The following PDE4D variants were observed in gnomAD, a reference collection of about 807,000 sequenced individuals.
The protein encoded by PDE4D is phosphodiesterase 4D.
Under a neutral mutation model 87.4 loss-of-function variants are expected in PDE4D, and 24 were observed. That is an observed-to-expected ratio of 0.27 (90% CI 0.20 to 0.39). The LOEUF (loss-of-function observed/expected upper bound fraction) is 0.39. Ranked by LOEUF, PDE4D falls within the 10% of genes least tolerant of loss-of-function variation. PDE4D has a pLI of 1.00. For missense variants in PDE4D, 714 were observed against 1,041.0 expected, an observed-to-expected ratio of 0.69 and a Z score of 4.32; for synonymous variants, 384 against 383.2, an observed-to-expected ratio of 1.00 and a Z score of -0.02.
intron 1 of PDE4D, among the ~76,000 whole-genome samples, chr5:59,217,487 TAAAC>T (rs1751518950): frequency 6.6e-6 from 1 of 152,158 alleles, no homozygotes; most frequent in Non-Finnish European, 1.5e-5. Flanking sequence ...ATCCATCAAA[TAAAC>T]AGAAGAGGGA....
At chr5:60,251,045 G>A (rs1438550676) in intron 1 of PDE4D, among the ~76,000 whole-genome samples, 1 of 151,798 alleles carries the variant, frequency 6.6e-6, no homozygotes, top group Non-Finnish European at 1.5e-5. Context: ...GAGATAACTA[G>A]ACATTTTTTA....
At chr5:59,195,587 T>G (rs1485379112) in intron 2 of PDE4D, among the ~76,000 whole-genome samples, 1 of 152,224 alleles carries the variant, frequency 6.6e-6, no homozygotes, top group Non-Finnish European at 1.5e-5. Flanking sequence ...TTTTACTCTC[T>G]GATGGAAGTT....
At chr5:59,871,703 T>A (rs1315887076) in intron 1 of PDE4D, among the ~76,000 whole-genome samples, 1 of 152,110 alleles carries the variant, frequency 6.6e-6, no homozygotes, top group Non-Finnish European at 1.5e-5. Flanking sequence ...AAATTTGCCA[T>A]CAAGGGAGAA....
intron 6 of PDE4D, among the ~76,000 whole-genome samples, chr5:59,035,670 G>C (rs1758378055): frequency 6.6e-6 from 1 of 152,072 alleles, no homozygotes. Flanking sequence ...GTATGCTAAG[G>C]AAACTGAAGC....
At chr5:60,127,452 C>T in intron 2 of PDE4D, 1 of 412,314 alleles carries the variant, frequency 2.4e-6, no homozygotes, top group Non-Finnish European at 4.3e-6. Flanking sequence ...ATCAAGGCAG[C>T]TATCACTGTG....
intron 1 of PDE4D, among the ~76,000 whole-genome samples, chr5:59,477,963 C>T (rs1290594146): frequency 6.6e-6 from 1 of 152,014 alleles, no homozygotes; most frequent in Non-Finnish European, 1.5e-5. Flanking sequence ...ATACCACACG[C>T]TCTCACTTGT....
intron 2 of PDE4D, among the ~76,000 whole-genome samples, chr5:60,000,828 C>T (rs1245647405): frequency 6.6e-6 from 1 of 152,090 alleles, no homozygotes; most frequent in Admixed American, 6.6e-5. Flanking sequence ...GAGCTGTCTG[C>T]TAACTATGAT....
chr5:60,236,789 C>A (rs1190854352), intron 1 of PDE4D, among the ~76,000 whole-genome samples: 1 of 151,852 alleles, frequency 6.6e-6, no homozygotes, highest in Non-Finnish European at 1.5e-5. Flanking sequence ...GAGCCATGAG[C>A]CGAGGAATAT....
Position 59,893,148 on chromosome 5 carries a change from A to C in PDE4D, c.455+20T>G. ...AGGTGACCCTTTGCCTGAATGGGGG[A>C]GGGGGCGCTCTCCACTCACCGCCTG... On this transcript the variant is annotated intron_variant, in intron 1 of 14. Transcript: ENST00000340635. 6.5e-7 allele frequency: 1 copy of C among 1,545,390 alleles called. No individual in the cohort carries two copies. The highest frequency in any genetic ancestry group is 8.7e-7 in the Non-Finnish European group (1 of 1,144,476).
At chr5:59,661,973 G>A (rs1334164985) in intron 1 of PDE4D, among the ~76,000 whole-genome samples, 2 of 152,142 alleles carry the variant, frequency 1.3e-5, no homozygotes, top group Admixed American at 1.3e-4. Context: ...TGGGAGGGGG[G>A]ATATATTGCT....
chr5:59,205,179 T>A (rs796808108), intron 2 of PDE4D, among the ~76,000 whole-genome samples: 1 of 151,804 alleles, frequency 6.6e-6, no homozygotes, highest in African/African-American at 2.4e-5. Context: ...AAAGTCAGAG[T>A]GTACATGGAC....
chr5:59,936,298 A>G (rs1475677896), intron 3 of PDE4D, among the ~76,000 whole-genome samples: 2 of 152,116 alleles, frequency 1.3e-5, no homozygotes. Context: ...CCAACGTGGC[A>G]CGTGTATACA....
intron 5 of PDE4D, among the ~76,000 whole-genome samples, chr5:59,167,567 AC>A (rs1360471892): frequency 6.6e-6 from 1 of 152,098 alleles, no homozygotes; most frequent in Non-Finnish European, 1.5e-5. Context: ...ATTTTCCCAA[AC>A]CATTTTCAGT....
chr5:59,359,646 T>C (rs1378414641), intron 1 of PDE4D, among the ~76,000 whole-genome samples: 2 of 152,240 alleles, frequency 1.3e-5, no homozygotes, highest in African/African-American at 2.4e-5. Context: ...GATGAATCTT[T>C]ACTAGCATTT....
chr5:59,525,364 C>T lies in PDE4D; in HGVS notation c.456-309396G>A, dbSNP rs1812913000. Among the ~76,000 whole-genome samples, 3 of 152,234 alleles carry T rather than the reference C, an allele frequency of 2.0e-5. No individual in the cohort carries two copies. The South Asian group carries it at 6.2e-4, about 31-fold the overall frequency. On this transcript the variant is annotated intron_variant, in intron 1 of 14. Transcript: ENST00000340635. ...ATTGGATTTTGGACTTGCATGGGGC[C>T]TGTTGCCCCTTTGTTCTGGACAATT...
At chr5:59,313,263 C>G (rs2153567071) in intron 1 of PDE4D, among the ~76,000 whole-genome samples, 1 of 152,260 alleles carries the variant, frequency 6.6e-6, no homozygotes, top group East Asian at 1.9e-4. Context: ...CAAGTAGCAA[C>G]CCCTTCCTCT....
At chr5:60,394,974 G>A (rs556462578) in intron 1 of PDE4D, among the ~76,000 whole-genome samples, 68 of 152,146 alleles carry the variant, frequency 4.5e-4, no homozygotes, top group South Asian at 2.3e-3. Flanking sequence ...TCACATTTTC[G>A]CCTTCAGGGT....
chr5:59,685,674 T>C (rs1401232026), intron 1 of PDE4D, among the ~76,000 whole-genome samples: 1 of 152,174 alleles, frequency 6.6e-6, no homozygotes, highest in Non-Finnish European at 1.5e-5. Flanking sequence ...GAGTAAGAAA[T>C]TAAATCTTCA....
At chr5:59,564,560 G>A (rs1820576580) in intron 1 of PDE4D, among the ~76,000 whole-genome samples, 1 of 152,220 alleles carries the variant, frequency 6.6e-6, no homozygotes, top group South Asian at 2.1e-4. Context: ...AATCTAGCCA[G>A]AAGGACACTC....
Sources: allele counts gnomAD v4.1 joint callset (sites outside exome capture counted in the v4.1 genomes callset), GRCh38; gene constraint gnomAD v4.1.1; transcripts MANE v1.5; gene names NCBI Gene and HGNC (gene_info 2026-07-23, HGNC 2026-07-21).